Variants in ADAM22 observed in about 807,000 individuals in gnomAD.
ADAM22 encodes the protein disintegrin and metalloproteinase domain-containing protein 22.
ADAM22 carries 65 observed loss-of-function variants against 144.6 expected under a neutral mutation model. The ratio of observed to expected loss-of-function variants is 0.45; its 90% CI spans 0.37 to 0.55. The LOEUF (loss-of-function observed/expected upper bound fraction) is 0.55. Among genes scored for constraint, ADAM22 ranks in the 20% least tolerant of loss-of-function variants. The probability of loss-of-function intolerance (pLI) is 0.00; values close to 1 mark genes in which losing one functional copy is unlikely to be tolerated. For missense variants in ADAM22, 974 were observed against 1,184.9 expected (o/e 0.82, Z 2.61); for synonymous variants, 391 against 412.6 (o/e 0.95, Z 0.63).
chr7:88,021,580 A>T (rs1264601900), intron 3 of ADAM22, among the ~76,000 whole-genome samples: 2 of 152,344 alleles, frequency 1.3e-5, no homozygotes, highest in South Asian at 4.1e-4. Flanking sequence ...GAAATAAAAC[A>T]TGTAAAAATA....
Position 88,103,671 on chromosome 7 carries a change from A to C in ADAM22, c.391-4505A>C, listed in dbSNP as rs185463899. Among the ~76,000 whole-genome samples, 1,159 of 152,308 alleles carry C rather than the reference A, an allele frequency of 7.6e-3. 8 individuals are homozygous for C. Among genetic ancestry groups the C allele is most frequent in the Admixed American group, 0.021 (328 of 15,286 alleles). On this transcript the variant is annotated intron_variant, in intron 4 of 31. Coordinates refer to ENST00000413139, the MANE Select transcript of ADAM22 (RefSeq NM_001324418.2). Reference sequence around the variant, plus strand: ...ATAAAGCTATGACTGGCTGTCTGATAAAGAGCCCAACTCTGATAGGAAAAG... The same window carrying C: ...ATAAAGCTATGACTGGCTGTCTGATCAAGAGCCCAACTCTGATAGGAAAAG...
intron 13 of ADAM22, among the ~76,000 whole-genome samples, chr7:88,135,376 C>T (rs189862685): frequency 4.0e-5 from 6 of 148,998 alleles, no homozygotes; most frequent in Admixed American, 4.0e-4. Flanking sequence ...TTTAGATACT[C>T]ATTTAATTCT....
chr7:88,037,044 T>C (rs1801678817), intron 3 of ADAM22, among the ~76,000 whole-genome samples: 1 of 152,160 alleles, frequency 6.6e-6, no homozygotes. Flanking sequence ...TTCCATAATA[T>C]GCAAAAGAAT....
intron 17 of ADAM22, 102 bp downstream of exon 17, chr7:88,145,609 A>T: frequency 1.1e-6 from 1 of 900,648 alleles, no homozygotes; most frequent in Non-Finnish European, 1.7e-6. Flanking sequence ...AGTATCTAAC[A>T]TATATTAAAT....
chr7:87,966,238 G>A (rs951782759), intron 2 of ADAM22, among the ~76,000 whole-genome samples: 1 of 152,126 alleles, frequency 6.6e-6, no homozygotes, highest in African/African-American at 2.4e-5. Flanking sequence ...TTGTCGGAGG[G>A]ATTTTTGTCT....
chr7:88,117,900 G>A (rs547444668), intron 7 of ADAM22, among the ~76,000 whole-genome samples: 1 of 152,136 alleles, frequency 6.6e-6, no homozygotes, highest in African/African-American at 2.4e-5. Flanking sequence ...TCGCCATATT[G>A]GGTAGGCTGG....
chr7:87,992,781 G>T (rs1175814957), intron 3 of ADAM22, among the ~76,000 whole-genome samples: 1 of 152,070 alleles, frequency 6.6e-6, no homozygotes, highest in Non-Finnish European at 1.5e-5. Flanking sequence ...AGGTTGTACA[G>T]CCCCAAGTGT....
rs1467005798 is a variant in ADAM22, at chr7:87,968,895, A to G, written c.247-9441A>G. On this transcript the variant is annotated intron_variant, in intron 2 of 31. Coordinates refer to ENST00000413139, the MANE Select transcript of ADAM22 (RefSeq NM_001324418.2). ...CTCAGGAAACTTAAAATCATGGCAG[A>G]AGGTGAAGGGGAAGCTGGCATGTCT... is the stretch of plus-strand genomic sequence containing the variant. 2.0e-5 allele frequency among the ~76,000 whole-genome samples: 3 copies of G among 152,250 alleles called. No individual in the cohort carries two copies. In the East Asian group the frequency reaches 5.8e-4, roughly 29 times the overall value.
At chr7:87,962,474 A>G (rs567229571) in intron 2 of ADAM22, among the ~76,000 whole-genome samples, 1 of 152,322 alleles carries the variant, frequency 6.6e-6, no homozygotes, top group South Asian at 2.1e-4. Context: ...GGATAGAGGA[A>G]TTGTCATCTG....
At position 88,198,292 on chromosome 7, in the gene ADAM22, TA is replaced by T. The variant is rs374288821; in HGVS notation, c.*1803del. ...TTATACTGTGTGTTTATGTCTTCTG[TA>T]ATGGACCTCTCTTTTGAAAGTCTTT... On this transcript the variant is annotated 3_prime_UTR_variant, in exon 32 of 32. Transcript: ENST00000413139. The T allele has an allele frequency of 4.6e-5, 7 of 152,336 alleles. No individual in the cohort carries two copies. Among genetic ancestry groups the T allele is most frequent in the African/African-American group, 1.4e-4 (6 of 41,580 alleles). The allele number at this position is 152,336 out of a possible 1,614,324, so 9.4% of individuals were successfully genotyped here. A position where few individuals can be genotyped will look rare whatever the true frequency, so the allele number is the denominator to read the frequency against.
intron 29 of ADAM22, chr7:88,185,902 A>G (rs1008374664): frequency 6.6e-6 from 1 of 152,232 alleles, no homozygotes; most frequent in Admixed American, 6.5e-5. Context: ...AAACATGAGC[A>G]CTTTATTCTG....
intron 3 of ADAM22, among the ~76,000 whole-genome samples, chr7:88,061,595 T>C (rs1335185806): frequency 6.6e-6 from 1 of 152,120 alleles, no homozygotes; most frequent in Non-Finnish European, 1.5e-5. Flanking sequence ...TTGAAAGAAA[T>C]ATTTTTTTCC....
At chr7:87,943,283 T>G (rs1453298210) in intron 2 of ADAM22, among the ~76,000 whole-genome samples, 11 of 151,730 alleles carry the variant, frequency 7.2e-5, no homozygotes, top group Admixed American at 7.2e-4. Context: ...ATGAGGAAAC[T>G]GAAGTTAATT....
At chr7:87,996,601 TTA>T (rs1405844786) in intron 3 of ADAM22, among the ~76,000 whole-genome samples, 4 of 152,182 alleles carry the variant, frequency 2.6e-5, no homozygotes, top group Non-Finnish European at 4.4e-5. Flanking sequence ...GAAGGGAATA[TTA>T]TTGGGACATG....
intron 3 of ADAM22, among the ~76,000 whole-genome samples, chr7:87,980,873 A>G (rs1301746264): frequency 6.6e-6 from 1 of 152,120 alleles, no homozygotes; most frequent in Non-Finnish European, 1.5e-5. Flanking sequence ...TTTAGGACAG[A>G]TGTATTAACA....
intron 7 of ADAM22, among the ~76,000 whole-genome samples, chr7:88,118,304 A>T (rs1374517760): frequency 3.3e-5 from 5 of 152,246 alleles, no homozygotes; most frequent in African/African-American, 1.2e-4. Flanking sequence ...TCCTCCTGTA[A>T]TTTTCCTAAA....
chr7:88,186,350 T>G, intron 29 of ADAM22: 1 of 432,038 alleles, frequency 2.3e-6, no homozygotes, highest in Non-Finnish European at 4.1e-6. Context: ...AGGGAGCTTC[T>G]AATTCACTTT....
intron 22 of ADAM22, among the ~76,000 whole-genome samples, chr7:88,156,554 C>T (rs918047070): frequency 6.6e-6 from 1 of 151,988 alleles, no homozygotes; most frequent in Non-Finnish European, 1.5e-5. Flanking sequence ...CTCTTACTTC[C>T]CCACAGGCTC....
rs1554373733 is a variant in ADAM22 at position 87,982,701 on chromosome 7, T to TATATATATATATATATATATAA, written c.323+4289_323+4290insATATATATATATATATATATAA. On this transcript the variant is annotated intron_variant, in intron 3 of 31. Transcript: ENST00000413139. ...TATATATATATATATATATATATAA[T>TATATATATATATATATATATAA]TTTTTTTTTTGAGATACAGTTTTGC... Among the ~76,000 whole-genome samples, 93 of 33,716 alleles carry TATATATATATATATATATATAA rather than the reference T, an allele frequency of 2.8e-3. 3 individuals are homozygous for TATATATATATATATATATATAA. Among genetic ancestry groups the TATATATATATATATATATATAA allele is most frequent in the Middle Eastern group, 0.022 (1 of 46 alleles). The allele number at this position is 33,716 out of a possible 152,430, so 22.1% of individuals were successfully genotyped here.
Sources: gnomAD v4.1 joint callset for allele counts (sites outside exome capture counted in the v4.1 genomes callset) on GRCh38, gnomAD v4.1.1 for gene constraint, MANE v1.5 for transcripts, NCBI Gene and HGNC (gene_info 2026-07-23, HGNC 2026-07-21) for gene names.